The following ADCY3 variants were observed in gnomAD, a reference collection of about 807,000 sequenced individuals.
ADCY3 encodes the protein adenylate cyclase 3.
Under a neutral mutation model 119.4 loss-of-function variants are expected in ADCY3, and 70 were observed. The ratio of observed to expected loss-of-function variants is 0.59; its 90% CI spans 0.48 to 0.72. The LOEUF (loss-of-function observed/expected upper bound fraction) is 0.72. Among genes scored for constraint, ADCY3 ranks in the 30% least tolerant of loss-of-function variants. The pLI is 0.00. For synonymous variants in ADCY3, 672 were observed against 621.4 expected, an observed-to-expected ratio of 1.08 and a Z score of -1.21; for missense variants, 1,238 against 1,541.6, an observed-to-expected ratio of 0.80 and a Z score of 3.30.
chr2:24,844,390 G>C (rs1280438137), intron 3 of ADCY3, among the ~76,000 whole-genome samples: 3 of 152,064 alleles, frequency 2.0e-5, no homozygotes, highest in African/African-American at 7.3e-5. Flanking sequence ...GGATGGCTGT[G>C]GGTCCCAGGC....
chr2:24,905,051 A>T (rs1558520382), intron 2 of ADCY3, among the ~76,000 whole-genome samples: 1 of 152,182 alleles, frequency 6.6e-6, no homozygotes, highest in Non-Finnish European at 1.5e-5. Flanking sequence ...CAAAGCCATG[A>T]TCACTATAGA....
chr2:24,838,664 GGCCC>G, intron 7 of ADCY3, 42 bp from the exon 8 acceptor site: 3 of 1,609,984 alleles, frequency 1.9e-6, no homozygotes, highest in Non-Finnish European at 2.5e-6. Context: ...GGCCAGAGGT[GGCCC>G]TCACACCCCC....
chr2:24,822,268 C>T (rs1183851019), intron 19 of ADCY3: 3 of 433,670 alleles, frequency 6.9e-6, no homozygotes, highest in Non-Finnish European at 1.2e-5. Context: ...GGGGCCTGGC[C>T]ACAGAACACA....
In ADCY3 at chr2:24,878,011, C is replaced by G; in HGVS notation, c.676-5292G>C. ...TCCCCTTTAGACTGCACAGCACGATCAGGCTCTGTGGTGACAGAGGTCCAC... is the reference window on the plus strand; with the variant it reads ...TCCCCTTTAGACTGCACAGCACGATGAGGCTCTGTGGTGACAGAGGTCCAC... On this transcript the variant is annotated intron_variant, in intron 2 of 21. Transcript: ENST00000679454. This position sits in a 1 kb window ranked among gnomAD's most constrained non-coding sequence, Gnocchi z 4.0. The G allele has an allele frequency of 4.3e-6, 2 of 469,590 alleles. No individual in the cohort carries two copies. The highest frequency in any genetic ancestry group is 8.9e-6 in the Non-Finnish European group (2 of 225,950). 29.1% of individuals were successfully genotyped at this position (469,590 alleles called of 1,614,324 possible). A position where few individuals can be genotyped will look rare whatever the true frequency, so the allele number is the denominator to read the frequency against.
At position 24,918,421 on chromosome 2, in the gene ADCY3, G is replaced by A. The variant is rs1247485414; in HGVS notation, c.567C>T (p.Pro189=). ...AGGAGACCACGGAGATGATCACGATGGGGCTGAGGCTGAGGGGCAGCGTGA... is the reference window on the plus strand; with the variant it reads ...AGGAGACCACGGAGATGATCACGATAGGGCTGAGGCTGAGGGGCAGCGTGA... The part of the protein sequence containing the change: ...FFITLPLSLS[P]IVIISVVSCV... The change falls in exon 2 of 22, where the codon CCC becomes CCT. Residue 189 remains proline (P), a synonymous_variant. Coordinates refer to ENST00000679454, the MANE Select transcript of ADCY3 (RefSeq NM_004036.5). This position sits in a 1 kb window ranked among gnomAD's most constrained non-coding sequence, Gnocchi z 5.4. 2 of 1,614,018 alleles carry A rather than the reference G, an allele frequency of 1.2e-6. No homozygotes were observed. The highest frequency in any genetic ancestry group is 2.2e-5 in the South Asian group (2 of 91,084).
At chr2:24,844,510 G>T (rs1241980598) in intron 3 of ADCY3, among the ~76,000 whole-genome samples, 1 of 152,146 alleles carries the variant, frequency 6.6e-6, no homozygotes, top group Non-Finnish European at 1.5e-5. Flanking sequence ...CCCGAGAGAG[G>T]CCAGCTCATC....
intron 2 of ADCY3, among the ~76,000 whole-genome samples, chr2:24,895,883 G>C (rs1395722402): frequency 1.3e-5 from 2 of 152,042 alleles, no homozygotes; most frequent in Non-Finnish European, 2.9e-5. Flanking sequence ...TAGTTTTATT[G>C]CTCTAGCTTC....
At position 24,826,132 on chromosome 2, in the gene ADCY3, G is replaced by A. The variant is rs371866280; in HGVS notation, c.2496-6C>T. On this transcript the variant is annotated splice_polypyrimidine_tract_variant and splice_region_variant and intron_variant, in intron 15 of 21. Coordinates refer to ENST00000679454, the MANE Select transcript of ADCY3 (RefSeq NM_004036.5). ...TGGAAGGCACCAGGGGCAGCCTGCT[G>A]GGCAGAGCGTGTGCAACTGAAAGGG... is the stretch of plus-strand genomic sequence containing the variant. The A allele has an allele frequency of 4.3e-6, 7 of 1,613,638 alleles. No individual in the cohort carries two copies. In the East Asian group the frequency reaches 8.9e-5, roughly 21 times the overall value.
intron 2 of ADCY3, among the ~76,000 whole-genome samples, chr2:24,904,453 A>G (rs1480666732): frequency 1.3e-5 from 2 of 151,954 alleles, no homozygotes; most frequent in East Asian, 3.9e-4. Context: ...CCCGGGAGGC[A>G]GAGGCTGCAG....
At chr2:24,890,541 A>ATGTTG (rs1203298746) in intron 2 of ADCY3, among the ~76,000 whole-genome samples, 6 of 152,202 alleles carry the variant, frequency 3.9e-5, no homozygotes, top group African/African-American at 1.2e-4. Context: ...GTGCCTCTCA[A>ATGTTG]GTAATTTGTC....
At chr2:24,855,193 C>T (rs1163565481) in intron 3 of ADCY3, among the ~76,000 whole-genome samples, 2 of 152,022 alleles carry the variant, frequency 1.3e-5, no homozygotes, top group Non-Finnish European at 2.9e-5. Flanking sequence ...CCCCAGGTCC[C>T]CCCCACCCCC....
intron 2 of ADCY3, among the ~76,000 whole-genome samples, chr2:24,880,542 C>T (rs1676263387): frequency 6.6e-6 from 1 of 152,208 alleles, no homozygotes; most frequent in Non-Finnish European, 1.5e-5. Context: ...GTGACCTTAC[C>T]CTTGTCAAGC....
At chr2:24,862,488 G>A (rs1673783764) in intron 3 of ADCY3, among the ~76,000 whole-genome samples, 1 of 151,948 alleles carries the variant, frequency 6.6e-6, no homozygotes, top group Non-Finnish European at 1.5e-5. Context: ...GGAGCTTGCA[G>A]TGAGCCGAGA....
At position 24,848,959 on chromosome 2, in the gene ADCY3, C is replaced by G. The variant is rs188758765; in HGVS notation, c.826-6575G>C. Among the ~76,000 whole-genome samples, 5 of 152,126 alleles carry G rather than the reference C, an allele frequency of 3.3e-5. 1 individual carries two copies. The highest frequency in any genetic ancestry group is 4.1e-4 in the South Asian group (2 of 4,826). ...CCCTGCCTTCCATTTGAGTCTCAGC[C>G]CCCCCCGCCACGTGTGCATTCAGGG... On this transcript the variant is annotated intron_variant, in intron 3 of 21. Transcript: ENST00000679454.
chr2:24,915,609 C>T (rs1461055360), intron 2 of ADCY3, among the ~76,000 whole-genome samples: 7 of 152,172 alleles, frequency 4.6e-5, no homozygotes, highest in South Asian at 2.1e-4. Flanking sequence ...GGTGCGATCT[C>T]GGCTCACTAC....
intron 2 of ADCY3, among the ~76,000 whole-genome samples, chr2:24,887,379 C>T (rs1677155336): frequency 1.3e-5 from 2 of 152,138 alleles, no homozygotes; most frequent in African/African-American, 4.8e-5. Flanking sequence ...AACCGTATCA[C>T]TTACTCTCTC....
chr2:24,827,961 G>A lies in ADCY3; in HGVS notation c.2373C>T (p.Asn791=), dbSNP rs1310333653. 6.2e-7 allele frequency: 1 copy of A among 1,614,224 alleles called. No homozygotes were observed. Among genetic ancestry groups the A allele is most frequent in the Admixed American group, 1.7e-5 (1 of 60,034 alleles). Residue 791 remains asparagine, a synonymous_variant, in exon 14 of 22, where the codon AAC becomes AAT. Transcript: ENST00000679454. ...CAAAGACGGGACGCCAGGCATAGAG[G>A]TTGATGGTGGCCACGGCGCCTGCGA... is the stretch of plus-strand genomic sequence containing the variant. ...LLVAGAVATI[N]LYAWRPVFDE...
At chr2:24,849,131 T>C (rs1295348782) in intron 3 of ADCY3, among the ~76,000 whole-genome samples, 1 of 152,242 alleles carries the variant, frequency 6.6e-6, no homozygotes, top group Non-Finnish European at 1.5e-5. Flanking sequence ...CAGTGGCTCC[T>C]GCAGCCACAG....
intron 8 of ADCY3, among the ~76,000 whole-genome samples, chr2:24,837,827 G>A (rs537531978): frequency 4.6e-5 from 7 of 152,164 alleles, no homozygotes; most frequent in African/African-American, 1.2e-4. Context: ...GTAGATATTC[G>A]GGGGATCCCA....
Sources: allele counts gnomAD v4.1 joint callset (sites outside exome capture counted in the v4.1 genomes callset), GRCh38; gene constraint gnomAD v4.1.1; non-coding constraint Gnocchi (gnomAD v3.1); transcripts MANE v1.5; gene names NCBI Gene and HGNC (gene_info 2026-07-23, HGNC 2026-07-21).